CAPN2: variants seen among roughly 807,000 people sequenced by gnomAD.
CAPN2 encodes the protein calpain 2.
In CAPN2, 92 loss-of-function variants were observed where a neutral mutation model predicts 102.3. The observed-to-expected ratio is 0.90, with a 90% CI of 0.76 to 1.07. The LOEUF is 1.07. CAPN2 is among the 50% of genes least tolerant of loss of function. CAPN2 has a pLI of 0.00. For missense variants in CAPN2, 800 were observed against 909.4 expected (o/e 0.88, Z 1.55); for synonymous variants, 340 against 355.4 (o/e 0.96, Z 0.49).
intron 2 of CAPN2, among the ~76,000 whole-genome samples, chr1:223,741,462 ATATAT>A (rs1660613541): frequency 6.9e-6 from 1 of 144,080 alleles, no homozygotes; most frequent in African/African-American, 2.6e-5. Flanking sequence ...ATATATATAT[ATATAT>A]ATTTGAGAGG....
intron 12 of CAPN2, among the ~76,000 whole-genome samples, chr1:223,760,301 G>A (rs796904151): frequency 4.7e-4 from 71 of 152,238 alleles, no homozygotes; most frequent in African/African-American, 1.5e-3. Flanking sequence ...CTTGTGGAGT[G>A]TGTCTGAGGT....
chr1:223,748,987 C>CG, intron 5 of CAPN2, 52 bp from the exon 6 acceptor site: 1 of 1,521,958 alleles, frequency 6.6e-7, no homozygotes, highest in Non-Finnish European at 9.1e-7. Context: ...CGAGGGAGTC[C>CG]GGGAGGAAGG....
chr1:223,746,946 A>G (rs1229196447), intron 4 of CAPN2, 51 bp from the exon 5 acceptor site: 6 of 1,529,504 alleles, frequency 3.9e-6, no homozygotes, highest in Non-Finnish European at 2.7e-6. Context: ...TTGAGAGATT[A>G]TAGCATCAGT....
chr1:223,759,070 G>T lies in CAPN2; in HGVS notation c.1318-200G>T. ...TTTAAAAAAATTTTGTTGTTTTGTT[G>T]TTGTTGTCGTCGTTATATAGATGAG... On this transcript the variant is annotated intron_variant, in intron 11 of 20. Coordinates refer to ENST00000295006, the MANE Select transcript of CAPN2 (RefSeq NM_001748.5). This position sits in a 1 kb window ranked among gnomAD's most constrained non-coding sequence, Gnocchi z 4.6. The T allele has an allele frequency of 1.7e-6, 1 of 601,214 alleles. No homozygotes were observed. The allele number at this position is 601,214 out of a possible 1,614,324, so 37.2% of individuals were successfully genotyped here.
chr1:223,758,885 G>C, intron 11 of CAPN2: 1 of 272,978 alleles, frequency 3.7e-6, no homozygotes, highest in Non-Finnish European at 7.2e-6. Flanking sequence ...CAGAGACAGG[G>C]GTCTCACTAC....
chr1:223,744,113 G>C lies in CAPN2; in HGVS notation c.321G>C (p.Leu107=). 1 of 1,612,948 alleles carries C rather than the reference G, an allele frequency of 6.2e-7. No individual in the cohort carries two copies. Among genetic ancestry groups the C allele is most frequent in the Non-Finnish European group, 8.5e-7 (1 of 1,178,900 alleles). Reference sequence around the variant, plus strand: ...CTGTGTTCACAGGTGACTGCTGGCTGCTGGCAGCCATTGCCTCCCTCACCT... The same window carrying C: ...CTGTGTTCACAGGTGACTGCTGGCTCCTGGCAGCCATTGCCTCCCTCACCT... ...ICQGALGDCW[L]LAAIASLTLN... Residue 107 remains leucine, a synonymous_variant, in exon 3 of 21, where the codon CTG becomes CTC. Coordinates refer to ENST00000295006, the MANE Select transcript of CAPN2 (RefSeq NM_001748.5).
At chr1:223,710,585 G>A (rs545084523), upstream of CAPN2, among the ~76,000 whole-genome samples, 3 of 152,196 alleles carry the variant, frequency 2.0e-5, no homozygotes, top group Admixed American at 6.5e-5. Flanking sequence ...CCTCTCCAGC[G>A]TGAACATCAA....
Position 223,731,303 on chromosome 1 carries a change from C to T in CAPN2, c.308-12797C>T, listed in dbSNP as rs1660328902. 6.6e-6 allele frequency among the ~76,000 whole-genome samples: 1 copy of T among 152,092 alleles called. No homozygotes were observed. The highest frequency in any genetic ancestry group is 2.4e-5 in the African/African-American group (1 of 41,388). ...AGCCAGTTCAGATTCCTAAGCTGGC[C>T]CGGACATCCAACCCAATCCGCCTAG... On this transcript the variant is annotated intron_variant, in intron 2 of 20. Transcript: ENST00000295006. The surrounding 1 kb of genome is among the most constrained non-coding windows in gnomAD (Gnocchi z 4.2).
chr1:223,749,306 G>A (rs1397929374), intron 6 of CAPN2, 184 bp downstream of exon 6: 1 of 600,928 alleles, frequency 1.7e-6, no homozygotes, highest in Non-Finnish European at 3.0e-6. Flanking sequence ...GGCGCCGGGT[G>A]CGCCGCGCTG....
At chr1:223,745,189 A>T in intron 3 of CAPN2, 117 bp from the exon 4 acceptor site, 1 of 1,357,318 alleles carries the variant, frequency 7.4e-7, no homozygotes, top group South Asian at 1.3e-5. Context: ...TCCTCCCAGG[A>T]TGCGCTCATG....
chr1:223,707,820 CT>C (rs1271506701), upstream of CAPN2, among the ~76,000 whole-genome samples: 1 of 152,230 alleles, frequency 6.6e-6, no homozygotes, highest in African/African-American at 2.4e-5. Flanking sequence ...TAGGTCTGAT[CT>C]GCCCATTTGT....
intron 17 of CAPN2, 68 bp downstream of exon 17, chr1:223,769,977 C>G: frequency 8.5e-7 from 1 of 1,181,616 alleles, no homozygotes. Context: ...TAAGATGCAG[C>G]AACTCCTGCA....
chr1:223,746,859 C>A, intron 4 of CAPN2, 138 bp from the exon 5 acceptor site: 2 of 628,842 alleles, frequency 3.2e-6, no homozygotes, highest in Non-Finnish European at 2.6e-6. Flanking sequence ...GCACCCCGAG[C>A]TGGGAACAAG....
chr1:223,745,587 A>G (rs1488347686), intron 4 of CAPN2, 148 bp downstream of exon 4: 4 of 766,466 alleles, frequency 5.2e-6, no homozygotes, highest in Non-Finnish European at 6.5e-6. Context: ...CCTGGCCAAC[A>G]TGATGAAACC....
chr1:223,757,639 C>A, intron 11 of CAPN2: 1 of 535,536 alleles, frequency 1.9e-6, no homozygotes. Context: ...GGGTTTGGTT[C>A]TGGGCAGAAA....
At chr1:223,715,252 G>A (rs967570070) in intron 1 of CAPN2, among the ~76,000 whole-genome samples, 2 of 152,158 alleles carry the variant, frequency 1.3e-5, no homozygotes, top group Non-Finnish European at 2.9e-5. Flanking sequence ...CCAGATTGTT[G>A]TAGACTCCAG....
Position 223,759,224 on chromosome 1 carries a change from G to A in CAPN2, c.1318-46G>A, listed in dbSNP as rs750311566. 3 of 1,532,944 alleles carry A rather than the reference G, an allele frequency of 2.0e-6. No homozygotes were observed. The highest frequency in any genetic ancestry group is 2.7e-6 in the Non-Finnish European group (3 of 1,106,458). 95.0% of individuals were successfully genotyped at this position (1,532,944 alleles called of 1,614,324 possible). On this transcript the variant is annotated intron_variant, in intron 11 of 20. Transcript: ENST00000295006. The surrounding 1 kb of genome is among the most constrained non-coding windows in gnomAD (Gnocchi z 4.6). Reference sequence around the variant, plus strand: ...AGTGAATGAAAATGATACTTGCCTGGAGGCTTCCCCTCATCTACCCCCATG... The same window carrying A: ...AGTGAATGAAAATGATACTTGCCTGAAGGCTTCCCCTCATCTACCCCCATG...
chr1:223,742,134 G>A (rs561013139), intron 2 of CAPN2, among the ~76,000 whole-genome samples: 1 of 152,138 alleles, frequency 6.6e-6, no homozygotes. Flanking sequence ...GCTCACGCCT[G>A]TAATACCAGC....
chr1:223,714,937 T>C (rs1659837259), intron 1 of CAPN2, among the ~76,000 whole-genome samples: 1 of 152,182 alleles, frequency 6.6e-6, no homozygotes, highest in Non-Finnish European at 1.5e-5. Flanking sequence ...AGGCGGGCTG[T>C]GCACTGCACA....
Sources: gnomAD v4.1 joint callset for allele counts (sites outside exome capture counted in the v4.1 genomes callset) on GRCh38, gnomAD v4.1.1 for gene constraint, Gnocchi (gnomAD v3.1) non-coding constraint, MANE v1.5 for transcripts, NCBI Gene and HGNC (gene_info 2026-07-23, HGNC 2026-07-21) for gene names.